The following RTRAF variants were observed in gnomAD, a reference collection of about 807,000 sequenced individuals.
RTRAF encodes tRNA-splicing ligase complex subunit RTRAF.
A neutral mutation model predicts 34.4 loss-of-function variants in RTRAF; 14 were observed. The ratio of observed to expected loss-of-function variants is 0.41; its 90% CI spans 0.27 to 0.64. The LOEUF is 0.64. Ranked by LOEUF, RTRAF falls within the 30% of genes least tolerant of loss-of-function variation. The pLI is 0.34. For synonymous variants in RTRAF, 96 were observed against 95.3 expected (o/e 1.01, Z -0.04); for missense variants, 291 against 288.4 (o/e 1.01, Z -0.06).
At chr14:51,996,437 C>A (rs879698066) in intron 3 of RTRAF, among the ~76,000 whole-genome samples, 1 of 152,020 alleles carries the variant, frequency 6.6e-6, no homozygotes, top group Non-Finnish European at 1.5e-5. Flanking sequence ...ATTATTTGCG[C>A]TCTACTATTT....
chr14:51,991,550 G>A (rs1890435108), intron 2 of RTRAF, 109 bp downstream of exon 2: 13 of 1,284,568 alleles, frequency 1.0e-5, no homozygotes, highest in South Asian at 2.8e-5. Flanking sequence ...AATGATCAGT[G>A]TTAGGAAAGC....
At chr14:51,990,761 T>C (rs1211929405) in intron 1 of RTRAF, among the ~76,000 whole-genome samples, 1 of 152,182 alleles carries the variant, frequency 6.6e-6, no homozygotes, top group African/African-American at 2.4e-5. Flanking sequence ...CAGTTAACAT[T>C]CCATGACAAC....
Position 52,009,360 on chromosome 14 carries a change from T to C in RTRAF, c.*4844T>C, listed in dbSNP as rs939022534. The C allele has an allele frequency of 6.6e-6, 1 of 152,216 alleles. No individual in the cohort carries two copies. Among genetic ancestry groups the C allele is most frequent in the East Asian group, 1.9e-4 (1 of 5,190 alleles). 9.4% of individuals were successfully genotyped at this position (152,216 alleles called of 1,614,324 possible). A position where few individuals can be genotyped will look rare whatever the true frequency, so the allele number is the denominator to read the frequency against. ...ATATTTGGTGTAAATTATTTGGGGA[T>C]TGCCAGAGGAAGAAAGTTGTAAAGG... On this transcript the variant is annotated 3_prime_UTR_variant, in exon 8 of 8. Coordinates refer to ENST00000261700, the MANE Select transcript of RTRAF (RefSeq NM_016039.3).
rs1392702280 is a variant in RTRAF, at chr14:52,007,632, C to A, written c.*3116C>A. 1.6e-5 allele frequency: 10 copies of A among 634,882 alleles called. No individual in the cohort carries two copies. The highest frequency in any genetic ancestry group is 2.5e-5 in the Non-Finnish European group (9 of 364,174). 39.3% of individuals were successfully genotyped at this position (634,882 alleles called of 1,614,324 possible). A position where few individuals can be genotyped will look rare whatever the true frequency, so the allele number is the denominator to read the frequency against. On this transcript the variant is annotated 3_prime_UTR_variant, in exon 8 of 8. Coordinates refer to ENST00000261700, the MANE Select transcript of RTRAF (RefSeq NM_016039.3). Reference sequence around the variant, plus strand: ...TGATATATCCTTCCCTCCACCCAAACCCCAGAAAGTTCATTTTAAGACTCA... The same window carrying A: ...TGATATATCCTTCCCTCCACCCAAAACCCAGAAAGTTCATTTTAAGACTCA...
Position 52,005,435 on chromosome 14 carries a change from A to G in RTRAF, c.*919A>G, listed in dbSNP as rs779621229. 6.6e-7 allele frequency: 1 copy of G among 1,515,406 alleles called. No homozygotes were observed. The highest frequency in any genetic ancestry group is 1.4e-5 in the South Asian group (1 of 71,818). 93.9% of individuals were successfully genotyped at this position (1,515,406 alleles called of 1,614,324 possible). On this transcript the variant is annotated 3_prime_UTR_variant, in exon 8 of 8. Transcript: ENST00000261700. ...TTTGCCTTTGCAGTCACTGTTCTTT[A>G]GGGTCCAGGTTCTGATTGTAAACTC... is the stretch of plus-strand genomic sequence containing the variant.
chr14:52,003,282 C>T (rs75112756), intron 6 of RTRAF, among the ~76,000 whole-genome samples: 4,824 of 152,120 alleles, frequency 0.032, 239 homozygotes, highest in African/African-American at 0.11. Flanking sequence ...AAAGTGGAGC[C>T]TCTGGTACTA....
At chr14:51,993,891 G>A in intron 3 of RTRAF, 69 bp downstream of exon 3, 1 of 962,244 alleles carries the variant, frequency 1.0e-6, no homozygotes. Flanking sequence ...GAAAATGTAG[G>A]GAACTTTGCA....
chr14:52,005,394 T>C lies in RTRAF; in HGVS notation c.*878T>C. ...ATGCTCAGGAACGTCTAATGGCCAATTCCTTTTTTACTTTCTTTGCCTTTG... is the reference window on the plus strand; with the variant it reads ...ATGCTCAGGAACGTCTAATGGCCAACTCCTTTTTTACTTTCTTTGCCTTTG... On this transcript the variant is annotated 3_prime_UTR_variant, in exon 8 of 8. Coordinates refer to ENST00000261700, the MANE Select transcript of RTRAF (RefSeq NM_016039.3). The C allele has an allele frequency of 7.6e-7, 1 of 1,310,684 alleles. No homozygotes were observed. Among genetic ancestry groups the C allele is most frequent in the Non-Finnish European group, 1.0e-6 (1 of 975,730 alleles). 81.2% of individuals were successfully genotyped at this position (1,310,684 alleles called of 1,614,324 possible). A position where few individuals can be genotyped will look rare whatever the true frequency, so the allele number is the denominator to read the frequency against.
Position 52,004,500 on chromosome 14 carries a change from G to C in RTRAF, c.719G>C (p.Gly240Ala). The C allele has an allele frequency of 6.2e-7, 1 of 1,613,024 alleles. No homozygotes were observed. The highest frequency in any genetic ancestry group is 8.5e-7 in the Non-Finnish European group (1 of 1,179,702). ...IADPKTDHRL[G>A]KVGR ...GATCCAAAGACAGACCACAGACTGG[G>C]AAAAGTTGGAAGATGAACACTTGAG... The change falls in exon 8 of 8, where the codon GGA becomes GCA. Residue 240 changes from glycine to alanine, a missense_variant. Gly to Ala is a moderately conservative substitution (Grantham distance 60). Coordinates refer to ENST00000261700, the MANE Select transcript of RTRAF (RefSeq NM_016039.3).
chr14:52,001,782 T>G lies in RTRAF; in HGVS notation c.463-16T>G. 1 of 1,608,162 alleles carries G rather than the reference T, an allele frequency of 6.2e-7. No individual in the cohort carries two copies. Among genetic ancestry groups the G allele is most frequent in the Non-Finnish European group, 8.5e-7 (1 of 1,176,610 alleles). On this transcript the variant is annotated splice_polypyrimidine_tract_variant and intron_variant, in intron 5 of 7. Transcript: ENST00000261700. ...ACACAGCCTATAAAAAGTAAAAATA[T>G]TTTTGGGTTTCTTAGGCAATTCGGA...
chr14:51,991,986 C>T (rs913169554), intron 2 of RTRAF, among the ~76,000 whole-genome samples: 10 of 152,012 alleles, frequency 6.6e-5, no homozygotes, highest in Non-Finnish European at 1.0e-4. Context: ...CCAGCCTGGG[C>T]GACAGAGTGA....
At chr14:52,001,492 G>A (rs1471818239) in intron 5 of RTRAF, among the ~76,000 whole-genome samples, 2 of 152,182 alleles carry the variant, frequency 1.3e-5, no homozygotes, top group African/African-American at 4.8e-5. Context: ...AGGTAGGAAG[G>A]AGACCTACTT....
At chr14:51,995,142 C>A (rs1197836333) in intron 3 of RTRAF, among the ~76,000 whole-genome samples, 2 of 152,098 alleles carry the variant, frequency 1.3e-5, no homozygotes, top group African/African-American at 4.8e-5. Context: ...TGGTACCTCT[C>A]TTAGCTTCCA....
In RTRAF at chr14:52,008,443, G is replaced by A. The variant is rs1368451997; in HGVS notation, c.*3927G>A. 1 of 152,932 alleles carries A rather than the reference G, an allele frequency of 6.5e-6. No individual in the cohort carries two copies. Among genetic ancestry groups the A allele is most frequent in the Non-Finnish European group, 1.5e-5 (1 of 68,576 alleles). The allele number at this position is 152,932 out of a possible 1,614,324, so 9.5% of individuals were successfully genotyped here. On this transcript the variant is annotated 3_prime_UTR_variant, in exon 8 of 8. Coordinates refer to ENST00000261700, the MANE Select transcript of RTRAF (RefSeq NM_016039.3). ...TCCATGCCTGAGGGAGCTCGGTGAA[G>A]ACACACTTGGATTCCTGACTCACAG... is the stretch of plus-strand genomic sequence containing the variant.
intron 1 of RTRAF, among the ~76,000 whole-genome samples, chr14:51,989,978 G>A (rs1890401029): frequency 6.6e-6 from 1 of 152,212 alleles, no homozygotes; most frequent in Non-Finnish European, 1.5e-5. Flanking sequence ...AAAAGGGAGA[G>A]CATTCGTCTT....
intron 6 of RTRAF, 40 bp downstream of exon 6, chr14:52,001,906 TTTC>T (rs1253416626): frequency 2.6e-6 from 4 of 1,517,386 alleles, no homozygotes; most frequent in Non-Finnish European, 2.7e-6. Context: ...TTAATGAACA[TTTC>T]TTCTGGTATG....
chr14:52,008,904 C>T lies in RTRAF; in HGVS notation c.*4388C>T, dbSNP rs755490688. ...TAAGCACTTTACCTTTTAAATGCCA[C>T]GTTAAAAATGAAATATATTCATAAC... is the stretch of plus-strand genomic sequence containing the variant. On this transcript the variant is annotated 3_prime_UTR_variant, in exon 8 of 8. Transcript: ENST00000261700. 4 of 151,908 alleles carry T rather than the reference C, an allele frequency of 2.6e-5. No homozygotes were observed. The highest frequency in any genetic ancestry group is 5.9e-5 in the Non-Finnish European group (4 of 67,984). 9.4% of individuals were successfully genotyped at this position (151,908 alleles called of 1,614,324 possible).
In RTRAF at chr14:52,005,916, C is replaced by T. The variant is rs1013911926; in HGVS notation, c.*1400C>T. ...ACTAGATAAAGAAGTCAGTCAGCCA[C>T]AGAAAATCAGTTGCAATAGAGGAAA... On this transcript the variant is annotated 3_prime_UTR_variant, in exon 8 of 8. Transcript: ENST00000261700. 2 of 1,205,288 alleles carry T rather than the reference C, an allele frequency of 1.7e-6. No individual in the cohort carries two copies. Among genetic ancestry groups the T allele is most frequent in the Non-Finnish European group, 2.4e-6 (2 of 817,740 alleles). The allele number at this position is 1,205,288 out of a possible 1,614,324, so 74.7% of individuals were successfully genotyped here.
intron 3 of RTRAF, among the ~76,000 whole-genome samples, chr14:51,996,906 T>G (rs573122523): frequency 3.5e-4 from 54 of 152,120 alleles, no homozygotes; most frequent in African/African-American, 1.3e-3. Context: ...CTGTCTTTAT[T>G]TGTGCTTCAT....
Sources: allele counts gnomAD v4.1 joint callset (sites outside exome capture counted in the v4.1 genomes callset), GRCh38; gene constraint gnomAD v4.1.1; transcripts MANE v1.5; gene names NCBI Gene and HGNC (gene_info 2026-07-23, HGNC 2026-07-21).